Variants in PDE4D observed in about 807,000 individuals in gnomAD.
The protein encoded by PDE4D is phosphodiesterase 4D.
PDE4D carries 24 observed loss-of-function variants against 87.4 expected under a neutral mutation model. The ratio of observed to expected loss-of-function variants is 0.27; its 90% CI spans 0.20 to 0.39. The LOEUF (loss-of-function observed/expected upper bound fraction) is 0.39. PDE4D is among the 10% of genes least tolerant of loss of function. The probability of loss-of-function intolerance (pLI) is 1.00; values close to 1 mark genes in which losing one functional copy is unlikely to be tolerated. For synonymous variants in PDE4D, 384 were observed against 383.2 expected (o/e 1.00, Z -0.02); for missense variants, 714 against 1,041.0 (o/e 0.69, Z 4.32).
intron 1 of PDE4D, among the ~76,000 whole-genome samples, chr5:60,383,936 T>C (rs1422762823): frequency 6.6e-6 from 1 of 152,174 alleles, no homozygotes; most frequent in Non-Finnish European, 1.5e-5. Flanking sequence ...TACCCAGGGA[T>C]CTTAAAGAGT....
At chr5:59,540,910 TG>T (rs1185658436) in intron 1 of PDE4D, among the ~76,000 whole-genome samples, 1 of 152,134 alleles carries the variant, frequency 6.6e-6, no homozygotes, top group African/African-American at 2.4e-5. Flanking sequence ...CAGTCTTAAT[TG>T]GGGCTTGGTG....
chr5:60,365,671 TACA>T (rs1477587583), intron 1 of PDE4D, among the ~76,000 whole-genome samples: 1 of 152,228 alleles, frequency 6.6e-6, no homozygotes, highest in Non-Finnish European at 1.5e-5. Context: ...GCGCTGAGAT[TACA>T]ACATTTCTTG....
intron 1 of PDE4D, among the ~76,000 whole-genome samples, chr5:59,514,076 G>A (rs1810733617): frequency 6.6e-6 from 1 of 151,782 alleles, no homozygotes. Context: ...AGGCCATTAA[G>A]TGACAAAGCC....
At chr5:59,544,149 C>G (rs983600269) in intron 1 of PDE4D, among the ~76,000 whole-genome samples, 4 of 152,178 alleles carry the variant, frequency 2.6e-5, no homozygotes, top group African/African-American at 9.7e-5. Context: ...AGACTGTCAT[C>G]ATTCTGCAGC....
chr5:60,264,520 A>G (rs1386892718), intron 1 of PDE4D, among the ~76,000 whole-genome samples: 1 of 152,262 alleles, frequency 6.6e-6, no homozygotes, highest in Non-Finnish European at 1.5e-5. Context: ...GATAGCCCAG[A>G]GAACAAAAGA....
intron 1 of PDE4D, among the ~76,000 whole-genome samples, chr5:59,862,868 T>A (rs73761024): frequency 0.01 from 1,553 of 152,342 alleles, 34 homozygotes; most frequent in African/African-American, 0.035. Context: ...TTATTGGAAT[T>A]AAAAGGGCAA....
intron 1 of PDE4D, among the ~76,000 whole-genome samples, chr5:60,508,354 G>C (rs1750416275): frequency 6.6e-6 from 1 of 152,130 alleles, no homozygotes; most frequent in African/African-American, 2.4e-5. Flanking sequence ...ACTGTGTCTA[G>C]GTCAACTTTA....
chr5:59,672,146 T>A (rs1348667024), intron 1 of PDE4D, among the ~76,000 whole-genome samples: 1 of 152,190 alleles, frequency 6.6e-6, no homozygotes, highest in African/African-American at 2.4e-5. Flanking sequence ...AGTAACAGCA[T>A]GCCTAGCCAG....
chr5:60,257,112 C>A (rs917523273), intron 1 of PDE4D, among the ~76,000 whole-genome samples: 29 of 150,314 alleles, frequency 1.9e-4, no homozygotes, highest in African/African-American at 6.9e-4. Context: ...AAAATTCACA[C>A]AGAAAAGATG....
At chr5:59,538,738 T>G (rs1276401654) in intron 1 of PDE4D, among the ~76,000 whole-genome samples, 1 of 152,202 alleles carries the variant, frequency 6.6e-6, no homozygotes, top group Admixed American at 6.5e-5. Flanking sequence ...CCGGAATTCT[T>G]AACATGGATA....
intron 3 of PDE4D, among the ~76,000 whole-genome samples, chr5:59,939,606 G>A (rs368456137): frequency 1.8e-4 from 27 of 152,260 alleles, no homozygotes; most frequent in East Asian, 9.7e-4. Context: ...ATTTCTGAGC[G>A]GTGTTACAAA....
At chr5:59,391,802 G>A (rs1371183493) in intron 1 of PDE4D, among the ~76,000 whole-genome samples, 1 of 151,762 alleles carries the variant, frequency 6.6e-6, no homozygotes, top group Non-Finnish European at 1.5e-5. Flanking sequence ...CCTTCTGAAT[G>A]AGGTCTTTCC....
intron 1 of PDE4D, among the ~76,000 whole-genome samples, chr5:60,207,404 G>A (rs1742671953): frequency 6.6e-6 from 1 of 152,152 alleles, no homozygotes; most frequent in Non-Finnish European, 1.5e-5. Flanking sequence ...GGCATGGCAG[G>A]GCCCTACTTT....
intron 1 of PDE4D, among the ~76,000 whole-genome samples, chr5:59,739,905 AATAAC>A (rs1758602820): frequency 6.6e-6 from 1 of 152,224 alleles, no homozygotes; most frequent in Admixed American, 6.6e-5. Context: ...GATGGTATGA[AATAAC>A]ATAAATATAA....
chr5:60,063,153 AG>A (rs1562044648), intron 2 of PDE4D, among the ~76,000 whole-genome samples: 138 of 134,530 alleles, frequency 1.0e-3, no homozygotes, highest in Middle Eastern at 4.0e-3. Flanking sequence ...AAAGAAAGAA[AG>A]AAGGAAAGAA....
At chr5:59,425,671 A>C (rs1795095204) in intron 1 of PDE4D, among the ~76,000 whole-genome samples, 1 of 152,302 alleles carries the variant, frequency 6.6e-6, no homozygotes, top group Admixed American at 6.5e-5. Flanking sequence ...GAATTTGATA[A>C]AGATTTATTG....
chr5:59,565,093 T>G (rs1264874830), intron 1 of PDE4D, among the ~76,000 whole-genome samples: 1 of 152,030 alleles, frequency 6.6e-6, no homozygotes. Context: ...CATGAGGTTG[T>G]GAAATCAGGT....
chr5:60,240,438 G>A (rs966172595), intron 1 of PDE4D, among the ~76,000 whole-genome samples: 1 of 152,102 alleles, frequency 6.6e-6, no homozygotes, highest in Non-Finnish European at 1.5e-5. Flanking sequence ...CCTGCCCTGA[G>A]CCAGAAGGGA....
In PDE4D at chr5:59,078,209, ATAGT is replaced by A. The variant is rs554148111; in HGVS notation, c.809-39242_809-39239del. 5.3e-5 allele frequency among the ~76,000 whole-genome samples: 8 copies of A among 152,334 alleles called. No individual in the cohort carries two copies. In the East Asian group the frequency reaches 1.5e-3, roughly 29 times the overall value. ...ATTAAAAAAGGCCATCAGTAAGAAAATAGTTAAAGGATAAACTTGATATACATAC... is the reference window on the plus strand; with the variant it reads ...ATTAAAAAAGGCCATCAGTAAGAAAATAAAGGATAAACTTGATATACATAC... On this transcript the variant is annotated intron_variant, in intron 5 of 14. Coordinates refer to ENST00000340635, the MANE Select transcript of PDE4D (RefSeq NM_001104631.2).
Sources: gnomAD v4.1 joint callset for allele counts (sites outside exome capture counted in the v4.1 genomes callset) on GRCh38, gnomAD v4.1.1 for gene constraint, MANE v1.5 for transcripts, NCBI Gene and HGNC (gene_info 2026-07-23, HGNC 2026-07-21) for gene names.